Variants in DDX39B observed in about 807,000 individuals in gnomAD.
DDX39B encodes the protein DExD-box helicase 39B.
A neutral mutation model predicts 46.4 loss-of-function variants in DDX39B; 6 were observed. The ratio of observed to expected loss-of-function variants is 0.13; its 90% CI spans 0.07 to 0.26. The LOEUF is 0.26. DDX39B is among the 10% of genes least tolerant of loss of function. The probability of loss-of-function intolerance (pLI) is 1.00; values close to 1 mark genes in which losing one functional copy is unlikely to be tolerated. For missense variants in DDX39B, 185 were observed against 553.4 expected, an observed-to-expected ratio of 0.33 and a Z score of 6.68; for synonymous variants, 174 against 199.4, an observed-to-expected ratio of 0.87 and a Z score of 1.07.
In DDX39B at chr6:31,535,306, C is replaced by T. The variant is rs888274721; in HGVS notation, c.735+61G>A. 8 of 1,506,190 alleles carry T rather than the reference C, an allele frequency of 5.3e-6. No individual in the cohort carries two copies. In the East Asian group the frequency reaches 6.8e-5, roughly 13 times the overall value. The allele number at this position is 1,506,190 out of a possible 1,614,324, so 93.3% of individuals were successfully genotyped here. A position where few individuals can be genotyped will look rare whatever the true frequency, so the allele number is the denominator to read the frequency against. ...TGACAAGGGAGTCTGAGGAAGAGGG[C>T]GAGGAAGGGGAGGAGGCAGCGGGCG... On this transcript the variant is annotated intron_variant, in intron 6 of 10. Transcript: ENST00000396172. This position sits in a 1 kb window ranked among gnomAD's most constrained non-coding sequence, Gnocchi z 4.6.
At chr6:31,539,049 T>C (rs1247637122) in intron 3 of DDX39B, 98 bp downstream of exon 3, 9 of 1,601,752 alleles carry the variant, frequency 5.6e-6, no homozygotes, top group East Asian at 4.5e-5. Context: ...AGAGGTCATG[T>C]GCTCATGGCT....
At chr6:31,541,801 C>A in intron 1 of DDX39B, 149 bp downstream of exon 1, 1 of 663,926 alleles carries the variant, frequency 1.5e-6, no homozygotes, top group South Asian at 1.6e-5. Flanking sequence ...TCTTTGCTCT[C>A]GAAAGGGATG....
intron 1 of DDX39B, chr6:31,541,607 G>A (rs1768464489): frequency 1.3e-5 from 6 of 475,174 alleles, no homozygotes; most frequent in Non-Finnish European, 2.6e-5. Context: ...CAAGGAAGGT[G>A]AGAAGAGCCC....
intron 2 of DDX39B, 152 bp downstream of exon 2, chr6:31,540,170 A>G: frequency 1.2e-6 from 1 of 827,364 alleles, no homozygotes; most frequent in Non-Finnish European, 1.9e-6. Flanking sequence ...CGGCCTCCCA[A>G]AGTGCTGGGA....
In DDX39B at chr6:31,540,377, G is replaced by C. The variant is rs1013108450; in HGVS notation, c.156C>G (p.Leu52=). The change falls in exon 2 of 11, where the codon CTC becomes CTG. Residue 52 remains leucine, a synonymous_variant. Coordinates refer to ENST00000396172, the MANE Select transcript of DDX39B (RefSeq NM_004640.7). ...IHSSGFRDFL[L]KPELLRAIVD... is the part of the protein sequence containing the mutation. ...CAATGGCCCGGAGCAACTCTGGCTT[G>C]AGCAGGAAGTCACGAAAGCCAGAGC... 1 of 1,614,112 alleles carries C rather than the reference G, an allele frequency of 6.2e-7. No individual in the cohort carries two copies. The highest frequency in any genetic ancestry group is 1.3e-5 in the African/African-American group (1 of 74,934).
In DDX39B at chr6:31,531,424, G is replaced by A. The variant is rs1462878340; in HGVS notation, c.868-19C>T. On this transcript the variant is annotated intron_variant, in intron 7 of 10. Transcript: ENST00000396172. This position sits in a 1 kb window ranked among gnomAD's most constrained non-coding sequence, Gnocchi z 5.8. ...TCACCACCTGTTGTGGGGTGGGGTG[G>A]GGGGTCGCAAATTGGGGGAATAGGG... 2.5e-6 allele frequency: 4 copies of A among 1,613,396 alleles called. No individual in the cohort carries two copies. Among genetic ancestry groups the A allele is most frequent in the Non-Finnish European group, 8.5e-7 (1 of 1,179,518 alleles).
At position 31,532,930 on chromosome 6, in the gene DDX39B, G is replaced by A. The variant is rs1278313040; in HGVS notation, c.736-19C>T. On this transcript the variant is annotated intron_variant, in intron 6 of 10. Coordinates refer to ENST00000396172, the MANE Select transcript of DDX39B (RefSeq NM_004640.7). ...CCATTGGCTGGGGGGGAGGAAGGGG[G>A]TGGGGAACGGGAGGAGGGCAGAGTG... 1.8e-6 allele frequency: 2 copies of A among 1,097,368 alleles called. No individual in the cohort carries two copies. The highest frequency in any genetic ancestry group is 1.3e-6 in the Non-Finnish European group (1 of 790,034). 68.0% of individuals were successfully genotyped at this position (1,097,368 alleles called of 1,614,324 possible).
Position 31,530,939 on chromosome 6 carries a change from A to G in DDX39B, c.1123-13T>C. ...CTGCTCTGGCCACCTGGAGGGAGACAGAGGGTAGCACTGGAAGACCGAAGA... is the reference window on the plus strand; with the variant it reads ...CTGCTCTGGCCACCTGGAGGGAGACGGAGGGTAGCACTGGAAGACCGAAGA... On this transcript the variant is annotated splice_polypyrimidine_tract_variant and intron_variant, in intron 9 of 10. Transcript: ENST00000396172. This position sits in a 1 kb window ranked among gnomAD's most constrained non-coding sequence, Gnocchi z 4.5. 6.2e-7 allele frequency: 1 copy of G among 1,614,156 alleles called. No homozygotes were observed. Among genetic ancestry groups the G allele is most frequent in the Non-Finnish European group, 8.5e-7 (1 of 1,180,016 alleles).
rs1303451967 is a variant in DDX39B at position 31,541,989 on chromosome 6, G to T, written c.-172C>A. The T allele has an allele frequency of 3.0e-6, 2 of 677,958 alleles. No homozygotes were observed. The highest frequency in any genetic ancestry group is 3.0e-5 in the South Asian group (2 of 66,874). 42.0% of individuals were successfully genotyped at this position (677,958 alleles called of 1,614,324 possible). A position where few individuals can be genotyped will look rare whatever the true frequency, so the allele number is the denominator to read the frequency against. On this transcript the variant is annotated 5_prime_UTR_variant, in exon 1 of 11. Coordinates refer to ENST00000396172, the MANE Select transcript of DDX39B (RefSeq NM_004640.7). ...CGCGTATGGCGGCAGCAACAGCGAC[G>T]AAGGAGGGAAATCTGCCTTCACTTC...
chr6:31,540,428 G>T lies in DDX39B; in HGVS notation c.105C>A (p.Val35=). 1 of 1,614,172 alleles carries T rather than the reference G, an allele frequency of 6.2e-7. No homozygotes were observed. The highest frequency in any genetic ancestry group is 8.5e-7 in the Non-Finnish European group (1 of 1,180,028). The stretch of plus-strand genomic sequence containing the variant: ...TGTGGATGGAGACATAGGAGCCCTT[G>T]ACATCCTTCTTGGCAGGGGCCTCAG... The part of the protein sequence containing the change: ...DGAEAPAKKD[V]KGSYVSIHSS... Residue 35 remains valine (V), a synonymous_variant, in exon 2 of 11, where the codon GTC becomes GTA. Transcript: ENST00000396172.
At chr6:31,541,305 AAAAC>A in intron 1 of DDX39B, 1 of 457,304 alleles carries the variant, frequency 2.2e-6, no homozygotes, top group Non-Finnish European at 4.5e-6. Context: ...CGGCCACAAA[AAAAC>A]AAAATTCATG....
At position 31,540,610 on chromosome 6, in the gene DDX39B, G is replaced by A. The variant is rs1413279388; in HGVS notation, c.-78C>T. ...AATAGGTGAAAACAAGGGGTGAAGAGTAGGGGATTGAGGAACAGCAAAGGA... is the reference window on the plus strand; with the variant it reads ...AATAGGTGAAAACAAGGGGTGAAGAATAGGGGATTGAGGAACAGCAAAGGA... On this transcript the variant is annotated 5_prime_UTR_variant, in exon 2 of 11. Coordinates refer to ENST00000396172, the MANE Select transcript of DDX39B (RefSeq NM_004640.7). The A allele has an allele frequency of 7.3e-7, 1 of 1,362,782 alleles. No homozygotes were observed. The highest frequency in any genetic ancestry group is 2.3e-5 in the East Asian group (1 of 43,476). The allele number at this position is 1,362,782 out of a possible 1,614,324, so 84.4% of individuals were successfully genotyped here.
At position 31,535,552 on chromosome 6, in the gene DDX39B, G is replaced by T; in HGVS notation, c.617-67C>A. 7.8e-7 allele frequency: 1 copy of T among 1,274,542 alleles called. No individual in the cohort carries two copies. The highest frequency in any genetic ancestry group is 1.1e-6 in the Non-Finnish European group (1 of 883,692). The allele number at this position is 1,274,542 out of a possible 1,614,324, so 79.0% of individuals were successfully genotyped here. ...GTATGATAAACAAAGATTAGAGGTA[G>T]ACTTCCCAGTGAGGTGAAGATTGCT... is the stretch of plus-strand genomic sequence containing the variant. On this transcript the variant is annotated intron_variant, in intron 5 of 10. Transcript: ENST00000396172. The surrounding 1 kb of genome is among the most constrained non-coding windows in gnomAD (Gnocchi z 4.6).
chr6:31,538,675 C>G, intron 4 of DDX39B, 88 bp downstream of exon 4: 6 of 1,257,216 alleles, frequency 4.8e-6, no homozygotes, highest in Non-Finnish European at 5.5e-6. Context: ...TAAAGCTTCT[C>G]CAAAATTAAA....
chr6:31,536,919 A>T (rs1224744351), intron 4 of DDX39B, among the ~76,000 whole-genome samples: 1 of 152,194 alleles, frequency 6.6e-6, no homozygotes, highest in Non-Finnish European at 1.5e-5. Context: ...CTACTGACTT[A>T]ATCTAACCAA....
At position 31,532,907 on chromosome 6, in the gene DDX39B, A is replaced by C; in HGVS notation, c.740T>G (p.Met247Arg). 11 of 686,220 alleles carry C rather than the reference A, an allele frequency of 1.6e-5. No individual in the cohort carries two copies. Among genetic ancestry groups the C allele is most frequent in the African/African-American group, 2.3e-5 (1 of 43,516 alleles). 42.5% of individuals were successfully genotyped at this position (686,220 alleles called of 1,614,324 possible). ...CGTCTCATCATCCACGAAGATCTCC[A>C]TTGGCTGGGGGGGAGGAAGGGGGTG... is the stretch of plus-strand genomic sequence containing the variant. ...PVCRKFMQDP[M>R]EIFVDDETKL... The change falls in exon 7 of 11, where the codon ATG (methionine) becomes AGG (arginine). Residue 247 changes from methionine to arginine, a missense_variant. Around this residue, in one of 5 missense-constraint regions of DDX39B, gnomAD observed 110 missense variants for 282.2 expected, o/e 0.39. Coordinates refer to ENST00000396172, the MANE Select transcript of DDX39B (RefSeq NM_004640.7).
rs559203789 is a variant in DDX39B, at chr6:31,531,313, C to A, written c.960G>T (p.Gly320=). 2.5e-6 allele frequency: 4 copies of A among 1,614,054 alleles called. No homozygotes were observed. The highest frequency in any genetic ancestry group is 3.4e-6 in the Non-Finnish European group (4 of 1,180,044). The change falls in exon 8 of 11, where the codon GGG becomes GGT. Residue 320 remains glycine (G), a synonymous_variant. Transcript: ENST00000396172. The surrounding 1 kb of genome is among the most constrained non-coding windows in gnomAD (Gnocchi z 5.8). ...CAGCTCACCTCTCCTCCTGGGGCAT[C>A]CCACGGTGGATGGCAATGGCTGGGA... The part of the protein sequence containing the change: ...QNFPAIAIHR[G]MPQEERLSRY...
Position 31,534,908 on chromosome 6 carries a change from T to G in DDX39B, c.735+459A>C, listed in dbSNP as rs1171294609. 2 of 269,556 alleles carry G rather than the reference T, an allele frequency of 7.4e-6. No individual in the cohort carries two copies. The highest frequency in any genetic ancestry group is 2.2e-5 in the African/African-American group (1 of 45,312). 16.7% of individuals were successfully genotyped at this position (269,556 alleles called of 1,614,324 possible). On this transcript the variant is annotated intron_variant, in intron 6 of 10. Coordinates refer to ENST00000396172, the MANE Select transcript of DDX39B (RefSeq NM_004640.7). The surrounding 1 kb of genome is among the most constrained non-coding windows in gnomAD (Gnocchi z 5.1). ...TGTGCTGATGCTCTTCTTTTGGACA[T>G]GCCCTGCCATCTGTCTGTCCCTCTC...
In DDX39B at chr6:31,531,490, T is replaced by C. The variant is rs755290421; in HGVS notation, c.868-85A>G. 7.5e-5 allele frequency: 84 copies of C among 1,127,194 alleles called. No homozygotes were observed. Among genetic ancestry groups the C allele is most frequent in the Non-Finnish European group, 1.1e-4 (80 of 755,892 alleles). The allele number at this position is 1,127,194 out of a possible 1,614,324, so 69.8% of individuals were successfully genotyped here. Reference sequence around the variant, plus strand: ...GAGACATTACGTGGGAGAGGGGAGTTTCTAGTAATTACGTTCTCAGGAATT... The same window carrying C: ...GAGACATTACGTGGGAGAGGGGAGTCTCTAGTAATTACGTTCTCAGGAATT... On this transcript the variant is annotated intron_variant, in intron 7 of 10. Transcript: ENST00000396172. The surrounding 1 kb of genome is among the most constrained non-coding windows in gnomAD (Gnocchi z 5.8).
Sources: gnomAD v4.1 joint callset for allele counts (sites outside exome capture counted in the v4.1 genomes callset) on GRCh38, gnomAD v4.1.1 for gene constraint, gnomAD v4.1.1 regional missense constraint, Gnocchi (gnomAD v3.1) non-coding constraint, MANE v1.5 for transcripts, NCBI Gene and HGNC (gene_info 2026-07-23, HGNC 2026-07-21) for gene names.